The following CDA variants were observed in gnomAD, a reference collection of about 807,000 sequenced individuals.
CDA encodes the protein cytidine deaminase, also known as cytidine aminohydrolase.
In CDA, 7 loss-of-function variants were observed where a neutral mutation model predicts 15.0. The observed-to-expected ratio is 0.47, with a 90% confidence interval of 0.26 to 0.87. The LOEUF (loss-of-function observed/expected upper bound fraction) is 0.87. CDA is among the 40% of genes least tolerant of loss of function. The pLI, the probability that CDA is intolerant of heterozygous loss-of-function variation, is 0.15. For synonymous variants in CDA, 58 were observed against 73.0 expected (o/e 0.79, Z 1.05); for missense variants, 159 against 182.7 (o/e 0.87, Z 0.75).
chr1:20,589,230 G>A lies in CDA; in HGVS notation c.101G>A (p.Ser34Asn). The change falls in exon 1 of 4, where the codon AGT (serine) becomes AAT (asparagine). Residue 34 changes from serine to asparagine, a missense_variant. Ser to Asn is a conservative substitution (Grantham distance 46). Transcript: ENST00000375071. ...EAKKSAYCPYSHFPVGAALLT... is the reference protein window; with the variant it reads ...EAKKSAYCPYNHFPVGAALLT... The stretch of plus-strand genomic sequence containing the variant: ...AAGAAGTCAGCCTACTGCCCCTACA[G>A]TCACTTTCCTGTGGGGGCTGCCCTG... 1 of 1,613,866 alleles carries A rather than the reference G, an allele frequency of 6.2e-7. No homozygotes were observed. Among genetic ancestry groups the A allele is most frequent in the Non-Finnish European group, 8.5e-7 (1 of 1,179,814 alleles).
rs143322467 is a variant in CDA, at chr1:20,613,863, C to A, written c.288C>A (p.Ile96=). 6.2e-7 allele frequency: 1 copy of A among 1,613,904 alleles called. No individual in the cohort carries two copies. The highest frequency in any genetic ancestry group is 8.5e-7 in the Non-Finnish European group (1 of 1,179,914). ...AIASDMQDDF[I]SPCGACRQVM... ...CCAGTGACATGCAAGATGATTTTAT[C>A]TCTCCATGTGGGGCCTGCAGGCAAG... Residue 96 remains isoleucine, a synonymous_variant, in exon 3 of 4, where the codon ATC becomes ATA. Coordinates refer to ENST00000375071, the MANE Select transcript of CDA (RefSeq NM_001785.3).
At chr1:20,594,876 A>G (rs1383581106) in intron 1 of CDA, among the ~76,000 whole-genome samples, 1 of 152,098 alleles carries the variant, frequency 6.6e-6, no homozygotes, top group Non-Finnish European at 1.5e-5. Flanking sequence ...CGGGCCTTGC[A>G]CATGGCTGAG....
chr1:20,591,272 C>T (rs12752560), intron 1 of CDA, among the ~76,000 whole-genome samples: 16,368 of 151,798 alleles, frequency 0.11, 966 homozygotes, highest in African/African-American at 0.14. Context: ...ACCTGGGAGG[C>T]GGAGCTTGCA....
chr1:20,616,901 A>G (rs2052818293), intron 3 of CDA, among the ~76,000 whole-genome samples: 1 of 152,222 alleles, frequency 6.6e-6, no homozygotes, highest in African/African-American at 2.4e-5. Flanking sequence ...TGATTCAGAG[A>G]GAAGTGTGGA....
At chr1:20,597,782 T>G (rs2052603509) in intron 1 of CDA, among the ~76,000 whole-genome samples, 2 of 152,188 alleles carry the variant, frequency 1.3e-5, no homozygotes, top group Admixed American at 1.3e-4. Flanking sequence ...AGAATTGGTT[T>G]GCCTGGTCAG....
At chr1:20,601,983 T>C (rs980869404) in intron 1 of CDA, among the ~76,000 whole-genome samples, 1 of 151,856 alleles carries the variant, frequency 6.6e-6, no homozygotes, top group Non-Finnish European at 1.5e-5. Context: ...TAGCCAGGTG[T>C]GGTGATGTAT....
In CDA at chr1:20,605,021, G is replaced by A. The variant is rs2154532414; in HGVS notation, c.248G>A (p.Arg83Lys). Reference protein sequence around the residue: ...KAVSEGYKDFRAIAIASDMQD... With the variant: ...KAVSEGYKDFKAIAIASDMQD... ...GTCTCAGAAGGGTACAAGGATTTCA[G>A]GGCAATTGCTATCGCCAGGTGAGTG... The change falls in exon 2 of 4, where the codon AGG becomes AAG. Residue 83 changes from arginine to lysine, a missense_variant. Physicochemically the swap from Arg to Lys is conservative, Grantham distance 26. Coordinates refer to ENST00000375071, the MANE Select transcript of CDA (RefSeq NM_001785.3). 6.2e-7 allele frequency: 1 copy of A among 1,611,976 alleles called. No individual in the cohort carries two copies. The highest frequency in any genetic ancestry group is 8.5e-7 in the Non-Finnish European group (1 of 1,178,216).
At chr1:20,596,868 C>A (rs1197417415) in intron 1 of CDA, among the ~76,000 whole-genome samples, 1 of 151,524 alleles carries the variant, frequency 6.6e-6, no homozygotes, top group Non-Finnish European at 1.5e-5. Context: ...TCAGGCGATC[C>A]TCCCACCTTA....
At chr1:20,616,724 T>G (rs1008906493) in intron 3 of CDA, among the ~76,000 whole-genome samples, 1 of 152,178 alleles carries the variant, frequency 6.6e-6, no homozygotes, top group Non-Finnish European at 1.5e-5. Flanking sequence ...ATGCAAATGA[T>G]AAGAGATGAG....
chr1:20,608,010 T>G (rs1438559783), intron 2 of CDA, among the ~76,000 whole-genome samples: 1 of 152,176 alleles, frequency 6.6e-6, no homozygotes, highest in Non-Finnish European at 1.5e-5. Context: ...TCAAGTCTGA[T>G]AAGTACGGCC....
intron 1 of CDA, among the ~76,000 whole-genome samples, chr1:20,600,035 T>C (rs902773401): frequency 1.2e-4 from 18 of 152,216 alleles, no homozygotes; most frequent in African/African-American, 4.1e-4. Flanking sequence ...TACAGGGTGC[T>C]GTTTGAGTAG....
intron 1 of CDA, among the ~76,000 whole-genome samples, chr1:20,600,835 G>C (rs1283483852): frequency 1.3e-5 from 2 of 151,970 alleles, no homozygotes; most frequent in East Asian, 1.9e-4. Context: ...AGACAAGGTG[G>C]GGAGCAAGAG....
At chr1:20,608,217 G>A (rs1253285335) in intron 2 of CDA, among the ~76,000 whole-genome samples, 1 of 152,172 alleles carries the variant, frequency 6.6e-6, no homozygotes, top group Admixed American at 6.5e-5. Context: ...AGGCTTCAGG[G>A]TCAGTGAAAC....
Position 20,618,889 on chromosome 1 carries a change from A to G in CDA, c.*321A>G. 1.1e-5 allele frequency: 4 copies of G among 364,902 alleles called. No individual in the cohort carries two copies. Among genetic ancestry groups the G allele is most frequent in the South Asian group, 9.1e-5 (4 of 44,192 alleles). The allele number at this position is 364,902 out of a possible 1,614,324, so 22.6% of individuals were successfully genotyped here. A position where few individuals can be genotyped will look rare whatever the true frequency, so the allele number is the denominator to read the frequency against. Reference sequence around the variant, plus strand: ...AGCAACTTTTCTAATTATAAACATCACAGAACATCCTGGATCAAAGCGTGT... The same window carrying G: ...AGCAACTTTTCTAATTATAAACATCGCAGAACATCCTGGATCAAAGCGTGT... On this transcript the variant is annotated 3_prime_UTR_variant, in exon 4 of 4. Coordinates refer to ENST00000375071, the MANE Select transcript of CDA (RefSeq NM_001785.3).
intron 1 of CDA, among the ~76,000 whole-genome samples, chr1:20,590,606 C>T (rs1286241080): frequency 3.3e-5 from 5 of 152,292 alleles, no homozygotes; most frequent in African/African-American, 4.8e-5. Flanking sequence ...CACACTGACC[C>T]CTCCTGCCGT....
At chr1:20,610,224 T>C (rs1188577135) in intron 2 of CDA, among the ~76,000 whole-genome samples, 1 of 152,014 alleles carries the variant, frequency 6.6e-6, no homozygotes, top group Non-Finnish European at 1.5e-5. Flanking sequence ...TATAAAATGC[T>C]TTGCAGAATG....
chr1:20,616,198 G>A (rs372566243), intron 3 of CDA, among the ~76,000 whole-genome samples: 1 of 152,082 alleles, frequency 6.6e-6, no homozygotes, highest in South Asian at 2.1e-4. Flanking sequence ...TGCTCCTCAC[G>A]GCTGCCTCTC....
chr1:20,594,982 C>A (rs2052580567), intron 1 of CDA, among the ~76,000 whole-genome samples: 1 of 152,028 alleles, frequency 6.6e-6, no homozygotes, highest in South Asian at 2.1e-4. Flanking sequence ...TGTCCCTGGG[C>A]TCGTGGGGAG....
chr1:20,616,763 A>G lies in CDA; in HGVS notation c.325-1689A>G, dbSNP rs191402350. ...TTGGGGCCAGGGACCTGACACGTAA[A>G]CTCGCCCTCGGCTCAACTTTTGTCT... On this transcript the variant is annotated intron_variant, in intron 3 of 3. Transcript: ENST00000375071. Among the ~76,000 whole-genome samples, 398 of 152,078 alleles carry G rather than the reference A, an allele frequency of 2.6e-3. 3 individuals carry two copies. The highest frequency in any genetic ancestry group is 9.2e-3 in the African/African-American group (380 of 41,464).
Sources: allele counts gnomAD v4.1 joint callset (sites outside exome capture counted in the v4.1 genomes callset), GRCh38; gene constraint gnomAD v4.1.1; transcripts MANE v1.5; gene names NCBI Gene and HGNC (gene_info 2026-07-23, HGNC 2026-07-21).